Variants in MCM8 observed in about 807,000 individuals in gnomAD.
The protein encoded by MCM8 is DNA helicase MCM8.
A neutral mutation model predicts 98.9 loss-of-function variants in MCM8; 85 were observed. The ratio of observed to expected loss-of-function variants is 0.86; its 90% CI spans 0.72 to 1.03. The LOEUF (loss-of-function observed/expected upper bound fraction) is 1.03, where lower values mean the gene tolerates loss of function less well. Ranked by LOEUF, MCM8 falls within the 50% of genes least tolerant of loss-of-function variation. The probability of loss-of-function intolerance (pLI) is 0.00; values close to 1 mark genes in which losing one functional copy is unlikely to be tolerated. For synonymous variants in MCM8, 352 were observed against 338.6 expected (o/e 1.04, Z -0.44); for missense variants, 951 against 997.8 (o/e 0.95, Z 0.63).
chr20:5,994,695 C>A lies in MCM8; in HGVS notation c.*304C>A. ...GAGAGGATTCCTTGAGGCCAGGGTT[C>A]GAGACCAACCTTGGGCAACATAGCA... On this transcript the variant is annotated 3_prime_UTR_variant, in exon 19 of 19. Transcript: ENST00000610722. The A allele has an allele frequency of 4.4e-6, 2 of 454,740 alleles. No individual in the cohort carries two copies. Among genetic ancestry groups the A allele is most frequent in the Admixed American group, 2.5e-5 (1 of 39,990 alleles). The allele number at this position is 454,740 out of a possible 1,614,324, so 28.2% of individuals were successfully genotyped here.
rs769915457 is a variant in MCM8 at position 5,963,238 on chromosome 20, C to T, written c.790-36C>T. On this transcript the variant is annotated intron_variant, in intron 7 of 18. Coordinates refer to ENST00000610722, the MANE Select transcript of MCM8 (RefSeq NM_032485.6). ...TTCCTGAGGTGTGATTATAGTTTAT[C>T]AAAATCTGAATGTGAATTACTTTTG... is the stretch of plus-strand genomic sequence containing the variant. The T allele has an allele frequency of 8.7e-6, 13 of 1,490,842 alleles. No individual in the cohort carries two copies. In the South Asian group the frequency reaches 1.5e-4, roughly 17 times the overall value. The allele number at this position is 1,490,842 out of a possible 1,614,324, so 92.4% of individuals were successfully genotyped here.
At chr20:5,963,437 A>G (rs2089199367) in intron 8 of MCM8, 78 bp downstream of exon 8, 2 of 1,023,082 alleles carry the variant, frequency 2.0e-6, no homozygotes, top group Non-Finnish European at 3.0e-6. Context: ...TTACTGTATT[A>G]TATTGTACGT....
In MCM8 at chr20:5,986,063, C is replaced by T; in HGVS notation, c.2095C>T (p.Gln699Ter). Residue 699 changes from glutamine to a stop codon, truncating the protein, a stop_gained, in exon 16 of 19, where the codon CAG (glutamine) becomes TAG (stop). Coordinates refer to ENST00000610722, the MANE Select transcript of MCM8 (RefSeq NM_032485.6). LOFTEE classifies it high-confidence loss of function. The part of the protein sequence containing the change: ...LQDFYLELRK[Q>*]SQRLNSSPIT... ...AGATTTTTACCTTGAGCTCCGGAAACAGAGCCAGAGGTTAAATAGCTCACC... is the reference window on the plus strand; with the variant it reads ...AGATTTTTACCTTGAGCTCCGGAAATAGAGCCAGAGGTTAAATAGCTCACC... 2 of 1,614,206 alleles carry T rather than the reference C, an allele frequency of 1.2e-6. No homozygotes were observed. Among genetic ancestry groups the T allele is most frequent in the Non-Finnish European group, 8.5e-7 (1 of 1,180,038 alleles).
At chr20:5,963,481 AATAG>A (rs2089201243) in intron 8 of MCM8, 122 bp downstream of exon 8, 2 of 610,208 alleles carry the variant, frequency 3.3e-6, no homozygotes, top group Non-Finnish European at 5.7e-6. Flanking sequence ...AATAGTGTAT[AATAG>A]ATGGTTTATT....
chr20:5,994,129 A>G (rs1465431576), intron 18 of MCM8, among the ~76,000 whole-genome samples, 170 bp from the exon 19 acceptor site: 2 of 152,238 alleles, frequency 1.3e-5, no homozygotes, highest in African/African-American at 4.8e-5. Flanking sequence ...TTATTTAGGC[A>G]TTATAGAATC....
rs763425002 is a variant in MCM8, at chr20:5,982,999, A to G, written c.1567A>G (p.Met523Val). ...TTGTGGAATCGATGAATTTGATAAG[A>G]TGGGGAATCAACATCAAGCCTTGTT... is the stretch of plus-strand genomic sequence containing the variant. ...GICGIDEFDK[M>V]GNQHQALLEA... Residue 523 changes from methionine (M) to valine (V), a missense_variant, in exon 14 of 19, where the codon ATG (methionine) becomes GTG (valine). By Grantham distance (21) the Met-to-Val change is conservative. Transcript: ENST00000610722. The G allele has an allele frequency of 1.9e-6, 3 of 1,612,930 alleles. No homozygotes were observed. The highest frequency in any genetic ancestry group is 2.5e-6 in the Non-Finnish European group (3 of 1,179,786).
intron 8 of MCM8, chr20:5,965,145 A>G (rs1170118002): frequency 6.6e-6 from 1 of 152,256 alleles, no homozygotes; most frequent in Non-Finnish European, 1.5e-5. Flanking sequence ...CAAAAACAAT[A>G]AACAGGCATT....
chr20:5,962,352 C>CTTTT (rs926577182), intron 7 of MCM8, among the ~76,000 whole-genome samples: 613 of 40,558 alleles, frequency 0.015, 138 homozygotes, highest in East Asian at 0.021. Flanking sequence ...GCCTTCATTT[C>CTTTT]TTTTTTTTTT....
At chr20:5,985,875 A>G in intron 15 of MCM8, 47 bp from the exon 16 acceptor site, 1 of 1,583,120 alleles carries the variant, frequency 6.3e-7, no homozygotes, top group Non-Finnish European at 8.7e-7. Flanking sequence ...GAAATATTTT[A>G]TTTGCTACTT....
intron 12 of MCM8, among the ~76,000 whole-genome samples, chr20:5,974,042 C>T (rs1444722472): frequency 2.0e-5 from 3 of 152,166 alleles, no homozygotes; most frequent in Admixed American, 6.5e-5. Flanking sequence ...GTTTTCCTTT[C>T]CTGGGTTTTA....
intron 8 of MCM8, among the ~76,000 whole-genome samples, chr20:5,967,075 C>T (rs1398454027): frequency 1.3e-5 from 2 of 152,204 alleles, no homozygotes; most frequent in Non-Finnish European, 2.9e-5. Context: ...TTTGCTTGTA[C>T]GCTTATAGCT....
intron 6 of MCM8, among the ~76,000 whole-genome samples, chr20:5,957,631 A>G (rs1662982207): frequency 6.6e-6 from 1 of 152,248 alleles, no homozygotes; most frequent in Admixed American, 6.5e-5. Flanking sequence ...GGAGCACTTC[A>G]GATTTTTGAA....
intron 8 of MCM8, among the ~76,000 whole-genome samples, chr20:5,967,062 C>T (rs1230715619): frequency 1.3e-5 from 2 of 152,230 alleles, no homozygotes; most frequent in African/African-American, 4.8e-5. Flanking sequence ...CGTTGGGTCC[C>T]ACTTTGCTTG....
At chr20:5,968,863 A>T (rs2089338594) in intron 10 of MCM8, among the ~76,000 whole-genome samples, 2 of 152,238 alleles carry the variant, frequency 1.3e-5, no homozygotes, top group South Asian at 4.1e-4. Flanking sequence ...TAGAGATTCA[A>T]ATCGAATTAA....
chr20:5,962,752 C>T (rs1447895496), intron 7 of MCM8, among the ~76,000 whole-genome samples: 1 of 152,166 alleles, frequency 6.6e-6, no homozygotes, highest in Non-Finnish European at 1.5e-5. Context: ...TTGGCAAATA[C>T]AGTCTGCCAC....
intron 8 of MCM8, among the ~76,000 whole-genome samples, chr20:5,964,219 C>G (rs1313770027): frequency 6.6e-6 from 1 of 151,256 alleles, no homozygotes; most frequent in Non-Finnish European, 1.5e-5. Context: ...ATAGCTCATC[C>G]CTAAATATAA....
chr20:5,993,514 G>T lies in MCM8; in HGVS notation c.2249G>T (p.Gly750Val). 6.4e-7 allele frequency: 1 copy of T among 1,560,746 alleles called. No individual in the cohort carries two copies. The highest frequency in any genetic ancestry group is 8.7e-7 in the Non-Finnish European group (1 of 1,148,126). Residue 750 changes from glycine to valine, a missense_variant, in exon 18 of 19, where the codon GGA (glycine) becomes GTA (valine). Gly to Val is a moderately radical substitution (Grantham distance 109). Transcript: ENST00000610722. ...IVEIMKYSML[G>V]TYSDEFGNLD... The stretch of plus-strand genomic sequence containing the variant: ...CTTCCTTTCTTTTTAAGCATGCTAG[G>T]AACTTACTCTGATGAATTTGGGAAC...
chr20:5,952,063 A>C lies in MCM8; in HGVS notation c.48A>C (p.Gln16His), dbSNP rs982710510. The C allele has an allele frequency of 8.7e-6, 14 of 1,613,996 alleles. No homozygotes were observed. The highest frequency in any genetic ancestry group is 1.2e-5 in the Non-Finnish European group (14 of 1,180,014). Residue 16 changes from glutamine (Q) to histidine (H), a missense_variant, in exon 2 of 19, where the codon CAA becomes CAC. Transcript: ENST00000610722. ...RGRGFGRGRF[Q>H]SWKRGRGGGN... ...GAGGATTTGGACGAGGAAGATTTCA[A>C]AGCTGGAAAAGGGGAAGAGGTGGTG...
intron 13 of MCM8, among the ~76,000 whole-genome samples, chr20:5,978,656 C>T (rs551211347): frequency 1.3e-5 from 2 of 152,236 alleles, no homozygotes; most frequent in African/African-American, 4.8e-5. Flanking sequence ...CTCTGCCTTC[C>T]AGGTTCAAGC....
Sources: allele counts gnomAD v4.1 joint callset (sites outside exome capture counted in the v4.1 genomes callset), GRCh38; gene constraint gnomAD v4.1.1; transcripts MANE v1.5; gene names NCBI Gene and HGNC (gene_info 2026-07-23, HGNC 2026-07-21).